NTM: variants seen among roughly 807,000 people sequenced by gnomAD.
NTM encodes neurotrimin.
A neutral mutation model predicts 42.1 loss-of-function variants in NTM; 13 were observed. The observed-to-expected ratio is 0.31, with a 90% confidence interval of 0.20 to 0.49. The LOEUF (loss-of-function observed/expected upper bound fraction) is 0.49. Ranked by LOEUF, NTM falls within the 20% of genes least tolerant of loss-of-function variation. The probability of loss-of-function intolerance (pLI) is 0.99; values close to 1 mark genes in which losing one functional copy is unlikely to be tolerated. For missense variants in NTM, 373 were observed against 452.8 expected (o/e 0.82, Z 1.60); for synonymous variants, 187 against 179.2 (o/e 1.04, Z -0.35).
At chr11:131,472,238 G>T (rs1262815574) in intron 1 of NTM, among the ~76,000 whole-genome samples, 1 of 152,166 alleles carries the variant, frequency 6.6e-6, no homozygotes, top group African/African-American at 2.4e-5. Context: ...ATTACACTGG[G>T]TATCCCCCCT....
intron 1 of NTM, among the ~76,000 whole-genome samples, chr11:131,862,724 C>G (rs917149799): frequency 6.6e-6 from 1 of 152,150 alleles, no homozygotes; most frequent in African/African-American, 2.4e-5. Flanking sequence ...AAACTGCAAA[C>G]TGGTATTTAT....
rs374188182 is a variant in NTM, at chr11:132,082,432, C to T, written c.168-63850C>T. 1.5e-3 allele frequency among the ~76,000 whole-genome samples: 236 copies of T among 152,262 alleles called. 2 individuals are homozygous for T. Among genetic ancestry groups the T allele is most frequent in the African/African-American group, 5.0e-3 (209 of 41,542 alleles). ...TCCTGGTGGCTCCACTCCATTCCCC[C>T]GGTATGCATGCAGGTCCTTAGTCTT... On this transcript the variant is annotated intron_variant, in intron 2 of 8. Coordinates refer to ENST00000683400, the MANE Select transcript of NTM (RefSeq NM_001352005.2).
chr11:131,809,339 C>T (rs1168319978), intron 1 of NTM, among the ~76,000 whole-genome samples: 4 of 152,210 alleles, frequency 2.6e-5, no homozygotes, highest in African/African-American at 9.6e-5. Flanking sequence ...ATTAACACTG[C>T]CTGTGTCTGA....
intron 1 of NTM, among the ~76,000 whole-genome samples, chr11:131,889,689 A>T (rs923257422): frequency 6.6e-6 from 1 of 152,160 alleles, no homozygotes; most frequent in Non-Finnish European, 1.5e-5. Context: ...ACTTACAAAT[A>T]GAGAGAAAGG....
intron 6 of NTM, among the ~76,000 whole-genome samples, chr11:132,311,706 A>T (rs1247286414): frequency 6.6e-6 from 1 of 152,252 alleles, no homozygotes; most frequent in African/African-American, 2.4e-5. Context: ...TCTAGGTCTT[A>T]ATGAAAAGTC....
intron 1 of NTM, among the ~76,000 whole-genome samples, chr11:131,550,054 A>G (rs1455023612): frequency 1.3e-5 from 2 of 152,334 alleles, no homozygotes; most frequent in East Asian, 1.9e-4. Flanking sequence ...TGAGAATCGC[A>G]TGAGAATCAT....
chr11:131,555,937 C>T lies in NTM; in HGVS notation c.82+185049C>T, dbSNP rs562377913. On this transcript the variant is annotated intron_variant, in intron 1 of 8. Transcript: ENST00000683400. Reference sequence around the variant, plus strand: ...CATGGGTGGCAAACAAGGAAATGTTCCAGATGCCAACGGTGCTGCCCTTGT... The same window carrying T: ...CATGGGTGGCAAACAAGGAAATGTTTCAGATGCCAACGGTGCTGCCCTTGT... Among the ~76,000 whole-genome samples, 7 of 152,254 alleles carry T rather than the reference C, an allele frequency of 4.6e-5. No homozygotes were observed. The East Asian group carries it at 1.4e-3, about 29-fold the overall frequency.
rs144419595 is a variant in NTM at position 132,335,063 on chromosome 11, G to A, written c.985G>A (p.Glu329Lys). Reference protein sequence around the residue: ...TPWKGPGAVSEVSNGTSRRAG... With the variant: ...TPWKGPGAVSKVSNGTSRRAG... ...CTCCACAGGTCCAGGCGCCGTCAGC[G>A]AGGTGAGCAACGGCACGTCGAGGAG... Residue 329 changes from glutamate to lysine, a missense_variant, in exon 9 of 9, where the codon GAG (glutamate) becomes AAG (lysine). Glu to Lys is a moderately conservative substitution (Grantham distance 56, BLOSUM62 1). Coordinates refer to ENST00000683400, the MANE Select transcript of NTM (RefSeq NM_001352005.2). 6.2e-6 allele frequency: 10 copies of A among 1,612,440 alleles called. No individual in the cohort carries two copies. Among genetic ancestry groups the A allele is most frequent in the South Asian group, 2.2e-5 (2 of 91,044 alleles).
intron 7 of NTM, among the ~76,000 whole-genome samples, chr11:132,316,742 C>T (rs2095439544): frequency 6.6e-6 from 1 of 152,026 alleles, no homozygotes; most frequent in Non-Finnish European, 1.5e-5. Context: ...GCTCGCAAAC[C>T]CCATTCCTGT....
intron 1 of NTM, among the ~76,000 whole-genome samples, chr11:131,738,588 C>T (rs958305951): frequency 1.3e-5 from 2 of 152,182 alleles, no homozygotes; most frequent in South Asian, 2.1e-4. Flanking sequence ...AACTGTGGCT[C>T]CCTTCTTATC....
chr11:132,307,760 G>C lies in NTM; in HGVS notation c.598G>C (p.Glu200Gln), dbSNP rs749670934. ...GITREQSGDY[E>Q]CSASNDVAAP... ...CACCAGGGAGCAGTCAGGGGACTAC[G>C]AGTGCAGTGCCTCCAATGACGTGGC... Residue 200 changes from glutamate to glutamine, a missense_variant, in exon 5 of 9, where the codon GAG (glutamate) becomes CAG (glutamine). Physicochemically the swap from Glu to Gln is conservative, Grantham distance 29. Transcript: ENST00000683400. The C allele has an allele frequency of 6.2e-7, 1 of 1,614,172 alleles. No homozygotes were observed. Among genetic ancestry groups the C allele is most frequent in the South Asian group, 1.1e-5 (1 of 91,076 alleles).
intron 1 of NTM, among the ~76,000 whole-genome samples, chr11:131,570,831 T>C (rs548097340): frequency 2.2e-4 from 33 of 152,254 alleles, no homozygotes; most frequent in African/African-American, 7.7e-4. Flanking sequence ...CAAAAGTAGA[T>C]AAATAAATAC....
rs139970733 is a variant in NTM at position 132,102,928 on chromosome 11, C to T, written c.168-43354C>T. ...ACACATCAAATGCCTCTTGTTGAGG[C>T]ATTAAACCAAGTGCAACTTTTCCGA... is the stretch of plus-strand genomic sequence containing the variant. On this transcript the variant is annotated intron_variant, in intron 2 of 8. Transcript: ENST00000683400. Among the ~76,000 whole-genome samples the T allele has an allele frequency of 1.3e-3, 194 of 152,330 alleles. 5 individuals are homozygous for T. The highest frequency in any genetic ancestry group is 1.4e-3 in the Non-Finnish European group (98 of 68,034).
chr11:132,315,774 C>A (rs1284638827), intron 7 of NTM, among the ~76,000 whole-genome samples: 3 of 152,096 alleles, frequency 2.0e-5, no homozygotes, highest in Non-Finnish European at 4.4e-5. Context: ...CTACCCGGCA[C>A]AAATAGTAAA....
chr11:132,044,176 GTGTA>G (rs2077654342), intron 2 of NTM, among the ~76,000 whole-genome samples: 1 of 44,932 alleles, frequency 2.2e-5, no homozygotes, highest in African/African-American at 1.9e-4. Flanking sequence ...TTATGTGCAT[GTGTA>G]TGTGTGTGTG....
At chr11:131,539,990 G>T (rs2052953602) in intron 1 of NTM, among the ~76,000 whole-genome samples, 1 of 152,078 alleles carries the variant, frequency 6.6e-6, no homozygotes, top group African/African-American at 2.4e-5. Context: ...CGGGCAGTTG[G>T]TCACCTTAGC....
At chr11:132,162,527 G>T (rs1251978272) in intron 3 of NTM, among the ~76,000 whole-genome samples, 1 of 142,988 alleles carries the variant, frequency 7.0e-6, no homozygotes, top group Non-Finnish European at 1.5e-5. Context: ...GTTTGTGGGG[G>T]GAGTGTGGAT....
intron 1 of NTM, among the ~76,000 whole-genome samples, chr11:131,568,158 T>C (rs1282879142): frequency 6.6e-6 from 1 of 152,224 alleles, no homozygotes; most frequent in Non-Finnish European, 1.5e-5. Flanking sequence ...TCATTATTAA[T>C]TATTCATAAA....
chr11:131,712,965 G>T (rs1303452226), intron 1 of NTM, among the ~76,000 whole-genome samples: 1 of 152,162 alleles, frequency 6.6e-6, no homozygotes, highest in Non-Finnish European at 1.5e-5. Flanking sequence ...GAAAAGAAAA[G>T]AGCAGCAAGC....
Sources: gnomAD v4.1 joint callset for allele counts (sites outside exome capture counted in the v4.1 genomes callset) on GRCh38, gnomAD v4.1.1 for gene constraint, MANE v1.5 for transcripts, NCBI Gene and HGNC (gene_info 2026-07-23, HGNC 2026-07-21) for gene names.